IFT80: variants seen among roughly 807,000 people sequenced by gnomAD.
The protein encoded by IFT80 is intraflagellar transport protein 80 homolog.
A neutral mutation model predicts 107.9 loss-of-function variants in IFT80; 79 were observed. The observed-to-expected ratio is 0.73, with a 90% CI of 0.61 to 0.88. The LOEUF (loss-of-function observed/expected upper bound fraction) is 0.88, where lower values mean the gene tolerates loss of function less well. Ranked by LOEUF, IFT80 falls within the 40% of genes least tolerant of loss-of-function variation. IFT80 has a pLI of 0.00. For synonymous variants in IFT80, 299 were observed against 300.9 expected, an observed-to-expected ratio of 0.99 and a Z score of 0.07; for missense variants, 797 against 914.2, an observed-to-expected ratio of 0.87 and a Z score of 1.65.
chr3:160,283,256 G>A (rs1576749258), intron 13 of IFT80, among the ~76,000 whole-genome samples: 1 of 152,310 alleles, frequency 6.6e-6, no homozygotes, highest in Non-Finnish European at 1.5e-5. Context: ...TCATTTGCTA[G>A]TGAGATGAAT....
chr3:160,288,913 G>A (rs1715318016), intron 12 of IFT80, among the ~76,000 whole-genome samples: 1 of 152,142 alleles, frequency 6.6e-6, no homozygotes, highest in Non-Finnish European at 1.5e-5. Context: ...TCCTGAAAGA[G>A]CTAAAAACAG....
intron 18 of IFT80, among the ~76,000 whole-genome samples, chr3:160,269,735 A>T (rs1390820055): frequency 1.3e-5 from 2 of 152,210 alleles, no homozygotes; most frequent in Non-Finnish European, 2.9e-5. Context: ...GTCGGGAACA[A>T]TCCAGTGGAC....
intron 12 of IFT80, among the ~76,000 whole-genome samples, chr3:160,286,779 T>C (rs1421648627): frequency 6.6e-6 from 1 of 152,222 alleles, no homozygotes; most frequent in Non-Finnish European, 1.5e-5. Flanking sequence ...GGCAACGTGT[T>C]ATGTGCTACT....
intron 1 of IFT80, among the ~76,000 whole-genome samples, chr3:160,391,195 C>A (rs967543688): frequency 9.9e-5 from 15 of 152,192 alleles, no homozygotes; most frequent in Admixed American, 9.8e-4. Context: ...TATAACACCA[C>A]CAGCTTGCCC....
intron 12 of IFT80, among the ~76,000 whole-genome samples, chr3:160,287,667 T>TG (rs201144418): frequency 1.8e-3 from 270 of 152,334 alleles, no homozygotes; most frequent in Middle Eastern, 6.8e-3. Flanking sequence ...ATATATCTTC[T>TG]GGGGAACTGG....
At chr3:160,350,244 G>A (rs903219365) in intron 8 of IFT80, among the ~76,000 whole-genome samples, 5 of 151,536 alleles carry the variant, frequency 3.3e-5, no homozygotes, top group Middle Eastern at 3.4e-3. Context: ...GTGAAACCCC[G>A]TATCTACTAA....
intron 19 of IFT80, among the ~76,000 whole-genome samples, chr3:160,265,194 A>C (rs1371689198): frequency 2.0e-5 from 3 of 152,218 alleles, no homozygotes; most frequent in Non-Finnish European, 1.5e-5. Context: ...CACTGTCTAC[A>C]GGAGGCACTC....
intron 12 of IFT80, among the ~76,000 whole-genome samples, chr3:160,288,572 A>G (rs1715279377): frequency 6.6e-6 from 1 of 152,192 alleles, no homozygotes; most frequent in South Asian, 2.1e-4. Flanking sequence ...ATAGGAGAAA[A>G]TTTCTGCAAA....
At chr3:160,295,501 G>C (rs1275679508) in intron 12 of IFT80, among the ~76,000 whole-genome samples, 2 of 152,058 alleles carry the variant, frequency 1.3e-5, no homozygotes, top group Non-Finnish European at 2.9e-5. Flanking sequence ...CCAGATACTT[G>C]GAGGCTGAGG....
intron 18 of IFT80, among the ~76,000 whole-genome samples, chr3:160,276,651 A>T (rs1216930637): frequency 6.6e-6 from 1 of 152,182 alleles, no homozygotes; most frequent in East Asian, 1.9e-4. Context: ...TGCCTCAGAA[A>T]GCAATCTGTC....
At chr3:160,371,102 TC>T (rs1452269397) in intron 5 of IFT80, among the ~76,000 whole-genome samples, 7 of 152,150 alleles carry the variant, frequency 4.6e-5, no homozygotes, top group Non-Finnish European at 1.0e-4. Flanking sequence ...AGTGTTTTGG[TC>T]CCCTTGGCAG....
intron 9 of IFT80, among the ~76,000 whole-genome samples, chr3:160,311,366 T>G (rs983402781): frequency 2.0e-5 from 3 of 152,158 alleles, no homozygotes; most frequent in African/African-American, 7.2e-5. Flanking sequence ...AAAATATATT[T>G]AGAAAATAAT....
chr3:160,361,944 C>A (rs535708660), intron 6 of IFT80, among the ~76,000 whole-genome samples: 1 of 152,198 alleles, frequency 6.6e-6, no homozygotes, highest in South Asian at 2.1e-4. Context: ...AAAATTGACA[C>A]CCTAACATCA....
chr3:160,350,676 G>A (rs914824691), intron 8 of IFT80, among the ~76,000 whole-genome samples: 9 of 152,030 alleles, frequency 5.9e-5, no homozygotes, highest in South Asian at 2.1e-4. Flanking sequence ...TTAGCTGGGC[G>A]TGGTGATGTG....
At chr3:160,288,397 C>G (rs1331077397) in intron 12 of IFT80, among the ~76,000 whole-genome samples, 1 of 152,072 alleles carries the variant, frequency 6.6e-6, no homozygotes, top group African/African-American at 2.4e-5. Flanking sequence ...TGGAAGACAA[C>G]CTAGGCAATA....
At chr3:160,398,038 C>T (rs1055921162) in intron 1 of IFT80, among the ~76,000 whole-genome samples, 1 of 152,118 alleles carries the variant, frequency 6.6e-6, no homozygotes, top group African/African-American at 2.4e-5. Context: ...TCCAGAAGCC[C>T]TCAAAGATAA....
At chr3:160,335,377 A>C (rs1379516574) in intron 8 of IFT80, among the ~76,000 whole-genome samples, 1 of 151,802 alleles carries the variant, frequency 6.6e-6, no homozygotes. Flanking sequence ...ACCCGTCAGC[A>C]CACCTGGCTA....
chr3:160,391,312 C>T (rs1356174812), intron 1 of IFT80, among the ~76,000 whole-genome samples: 1 of 152,188 alleles, frequency 6.6e-6, no homozygotes, highest in Non-Finnish European at 1.5e-5. Flanking sequence ...TAGTACGTAC[C>T]TAAGTTCACA....
At chr3:160,323,019 G>A (rs1183898131) in intron 8 of IFT80, among the ~76,000 whole-genome samples, 1 of 152,020 alleles carries the variant, frequency 6.6e-6, no homozygotes, top group Non-Finnish European at 1.5e-5. Context: ...TTCTTTTGCT[G>A]TGCAGAGGCT....
Sources: allele counts gnomAD v4.1 joint callset (sites outside exome capture counted in the v4.1 genomes callset), GRCh38; gene constraint gnomAD v4.1.1; transcripts MANE v1.5; gene names NCBI Gene and HGNC (gene_info 2026-07-23, HGNC 2026-07-21).